The following DCDC1 variants were observed in gnomAD, a reference collection of about 807,000 sequenced individuals.
DCDC1 encodes doublecortin domain-containing protein 1.
Under a neutral mutation model 178.3 loss-of-function variants are expected in DCDC1, and 200 were observed. That is an observed-to-expected ratio of 1.12 (90% CI 1.00 to 1.26). The LOEUF (loss-of-function observed/expected upper bound fraction) is 1.26, where lower values mean the gene tolerates loss of function less well. Ranked by LOEUF, DCDC1 falls within the 50% of genes most tolerant of loss-of-function variation. DCDC1 has a pLI of 0.00. For synonymous variants in DCDC1, 690 were observed against 604.8 expected, an observed-to-expected ratio of 1.14 and a Z score of -2.07; for missense variants, 1,983 against 1,749.2, an observed-to-expected ratio of 1.13 and a Z score of -2.38.
At chr11:31,273,066 C>T (rs947738092) in intron 7 of DCDC1, among the ~76,000 whole-genome samples, 36 of 152,114 alleles carry the variant, frequency 2.4e-4, no homozygotes, top group African/African-American at 6.5e-4. Context: ...ACCCTGGGCC[C>T]GGCCCACGAA....
intron 9 of DCDC1, among the ~76,000 whole-genome samples, chr11:31,204,907 T>C (rs186649665): frequency 6.6e-6 from 1 of 152,278 alleles, no homozygotes; most frequent in East Asian, 1.9e-4. Context: ...GAACCTAACA[T>C]TTCTCTACTT....
chr11:31,118,596 G>A (rs1007302399), intron 11 of DCDC1, among the ~76,000 whole-genome samples: 4 of 152,156 alleles, frequency 2.6e-5, no homozygotes, highest in Admixed American at 2.0e-4. Context: ...CAAACACTCC[G>A]TGAAAAAGCT....
chr11:31,273,799 T>C (rs1423572279), intron 7 of DCDC1, among the ~76,000 whole-genome samples: 1 of 152,054 alleles, frequency 6.6e-6, no homozygotes, highest in Non-Finnish European at 1.5e-5. Context: ...AAGAAAGAGG[T>C]TTAGTGGACT....
At chr11:31,253,772 CA>C (rs1277402615) in intron 8 of DCDC1, among the ~76,000 whole-genome samples, 4 of 152,126 alleles carry the variant, frequency 2.6e-5, no homozygotes, top group Non-Finnish European at 5.9e-5. Context: ...TGTCAGGCAG[CA>C]ACATATAACT....
chr11:30,883,286 G>T (rs768373982), intron 36 of DCDC1: 8 of 185,934 alleles, frequency 4.3e-5, no homozygotes, highest in Non-Finnish European at 6.9e-5. Flanking sequence ...CATTATTAGG[G>T]CAGACTAGGT....
Position 31,050,715 on chromosome 11 carries a change from G to A in DCDC1, c.2591+13754C>T, listed in dbSNP as rs539492863. On this transcript the variant is annotated intron_variant, in intron 20 of 38. Coordinates refer to ENST00000684477, the MANE Select transcript of DCDC1 (RefSeq NM_001387274.1). ...CAACCCCTAGTACCAGCCTGGAGCC[G>A]GGAAGACTCACTGCTTCACTAGACC... 1.0e-3 allele frequency among the ~76,000 whole-genome samples: 155 copies of A among 152,202 alleles called. 1 individual carries two copies. The highest frequency in any genetic ancestry group is 3.4e-3 in the Middle Eastern group (1 of 294).
chr11:31,290,810 C>A lies in DCDC1; in HGVS notation c.797G>T (p.Gly266Val). The A allele has an allele frequency of 6.2e-7, 1 of 1,613,144 alleles. No individual in the cohort carries two copies. The highest frequency in any genetic ancestry group is 8.5e-7 in the Non-Finnish European group (1 of 1,179,408). ...TTTGATATCAGTAGGAAGCATCAAC[C>A]CATTCATTGTCCAAGTTACTTTCTT... ...LIKKVTWTMN[G>V]LMLPTDIKRR... Residue 266 changes from glycine (G) to valine (V), a missense_variant, in exon 7 of 39, where the codon GGG (glycine) becomes GTG (valine). Coordinates refer to ENST00000684477, the MANE Select transcript of DCDC1 (RefSeq NM_001387274.1).
rs116099904 is a variant in DCDC1, at chr11:30,892,920, C to A, written c.4980G>T (p.Pro1660=). Residue 1660 remains proline (P), a synonymous_variant, in exon 36 of 39, where the codon CCG becomes CCT. Coordinates refer to ENST00000684477, the MANE Select transcript of DCDC1 (RefSeq NM_001387274.1). ...TGTTGGGCTGCTTATACAGGTTGCTCGGCTTGACTGCTATACGTTTGGTTG... is the reference window on the plus strand; with the variant it reads ...TGTTGGGCTGCTTATACAGGTTGCTAGGCTTGACTGCTATACGTTTGGTTG... The part of the protein sequence containing the change: ...PIATKRIAVK[P]SNLYKQPNTK... 2.5e-6 allele frequency: 4 copies of A among 1,613,852 alleles called. No homozygotes were observed. In the African/African-American group the frequency reaches 4.0e-5, roughly 16 times the overall value.
intron 9 of DCDC1, among the ~76,000 whole-genome samples, chr11:31,203,982 T>C (rs1013143755): frequency 1.3e-5 from 2 of 152,180 alleles, no homozygotes; most frequent in Non-Finnish European, 2.9e-5. Flanking sequence ...ATTCAAAAAG[T>C]GTGGCCTTCT....
intron 20 of DCDC1, among the ~76,000 whole-genome samples, chr11:31,013,121 T>A (rs543067500): frequency 6.6e-6 from 1 of 152,346 alleles, no homozygotes; most frequent in Admixed American, 6.5e-5. Flanking sequence ...CTGATTTTTT[T>A]AAACAACAAA....
At chr11:30,971,277 CCAAAAGAA>C (rs1385796045) in intron 20 of DCDC1, among the ~76,000 whole-genome samples, 1 of 151,976 alleles carries the variant, frequency 6.6e-6, no homozygotes, top group Non-Finnish European at 1.5e-5. Flanking sequence ...GATCACATCT[CCAAAAGAA>C]CAAAAGAACA....
intron 20 of DCDC1, among the ~76,000 whole-genome samples, chr11:31,036,606 A>T (rs1178786582): frequency 1.4e-4 from 21 of 152,224 alleles, no homozygotes; most frequent in Admixed American, 1.4e-3. Flanking sequence ...TATAAAATAA[A>T]ATCAATGTGC....
chr11:30,978,094 A>G (rs1950197667), intron 20 of DCDC1, among the ~76,000 whole-genome samples: 1 of 152,236 alleles, frequency 6.6e-6, no homozygotes, highest in Non-Finnish European at 1.5e-5. Context: ...TTTGACCATA[A>G]TGTTTAAAAT....
intron 9 of DCDC1, among the ~76,000 whole-genome samples, chr11:31,228,021 G>A (rs945487924): frequency 2.0e-4 from 31 of 151,998 alleles, no homozygotes; most frequent in Admixed American, 9.8e-4. Flanking sequence ...AACATTGTTA[G>A]AACTGAAAGG....
intron 20 of DCDC1, among the ~76,000 whole-genome samples, chr11:31,047,190 A>C (rs1954895846): frequency 6.6e-6 from 1 of 152,210 alleles, no homozygotes; most frequent in African/African-American, 2.4e-5. Flanking sequence ...GCAAAAAAAA[A>C]TTGGAAACCT....
At chr11:31,177,034 T>C (rs1200812201) in intron 9 of DCDC1, among the ~76,000 whole-genome samples, 1 of 152,018 alleles carries the variant, frequency 6.6e-6, no homozygotes, top group South Asian at 2.1e-4. Flanking sequence ...GCTATGTAAG[T>C]CTCCTAATCA....
intron 31 of DCDC1, 84 bp downstream of exon 31, chr11:30,904,877 A>T (rs893317671): frequency 6.6e-7 from 1 of 1,512,338 alleles, no homozygotes; most frequent in African/African-American, 1.4e-5. Context: ...TTTATCACTC[A>T]ATCCCACTGC....
chr11:30,963,149 C>T (rs948307581), intron 20 of DCDC1, among the ~76,000 whole-genome samples: 1 of 152,064 alleles, frequency 6.6e-6, no homozygotes, highest in Non-Finnish European at 1.5e-5. Context: ...TGCTGTCTCT[C>T]CCCAGCACCA....
chr11:31,102,539 G>C (rs1386967160), intron 14 of DCDC1, among the ~76,000 whole-genome samples: 1 of 152,088 alleles, frequency 6.6e-6, no homozygotes, highest in Non-Finnish European at 1.5e-5. Context: ...GATCTCATCA[G>C]ACTGCTTTTG....
Sources: allele counts gnomAD v4.1 joint callset (sites outside exome capture counted in the v4.1 genomes callset), GRCh38; gene constraint gnomAD v4.1.1; transcripts MANE v1.5; gene names NCBI Gene and HGNC (gene_info 2026-07-23, HGNC 2026-07-21).